MYBBP1A: variants seen among roughly 807,000 people sequenced by gnomAD.
MYBBP1A encodes the protein myb-binding protein 1A.
A neutral mutation model predicts 136.3 loss-of-function variants in MYBBP1A; 147 were observed. The observed-to-expected ratio is 1.08, with a 90% confidence interval of 0.94 to 1.24. MYBBP1A has a LOEUF of 1.24. MYBBP1A is among the 50% of genes most tolerant of loss of function. The pLI is 0.00. For missense variants in MYBBP1A, 2,060 were observed against 1,727.4 expected (o/e 1.19, Z -3.41); for synonymous variants, 947 against 735.8 (o/e 1.29, Z -4.65).
Position 4,542,918 on chromosome 17 carries a change from G to A in MYBBP1A, c.2887C>T (p.Pro963Ser). 6.2e-7 allele frequency: 1 copy of A among 1,613,924 alleles called. No homozygotes were observed. The highest frequency in any genetic ancestry group is 8.5e-7 in the Non-Finnish European group (1 of 1,179,988). The change falls in exon 20 of 26, where the codon CCG (proline) becomes TCG (serine). Residue 963 changes from proline (P) to serine (S), a missense_variant. Coordinates refer to ENST00000254718, the MANE Select transcript of MYBBP1A (RefSeq NM_014520.4). ...GTDPSHMPTG[P>S]QAASCLDLNL... ...CTGGGCCAGGCCCTGCTCACCTGCG[G>A]GCCCGTGGGCATGTGGCTGGGGTCA...
Position 4,543,175 on chromosome 17 carries a change from G to A in MYBBP1A, c.2640-10C>T. ...ACGGCACAGGTGGTGCCTGTGGGTG[G>A]TGAGGACGAGAGCTGGTCAGAACAT... is the stretch of plus-strand genomic sequence containing the variant. On this transcript the variant is annotated splice_polypyrimidine_tract_variant and intron_variant, in intron 19 of 25. Transcript: ENST00000254718. 1 of 1,596,760 alleles carries A rather than the reference G, an allele frequency of 6.3e-7. No individual in the cohort carries two copies. The highest frequency in any genetic ancestry group is 8.5e-7 in the Non-Finnish European group (1 of 1,172,758).
Position 4,548,789 on chromosome 17 carries a change from C to T in MYBBP1A, c.1431-140G>A, listed in dbSNP as rs1221140751. The T allele has an allele frequency of 8.3e-7, 1 of 1,204,664 alleles. No individual in the cohort carries two copies. The highest frequency in any genetic ancestry group is 1.1e-6 in the Non-Finnish European group (1 of 872,948). The allele number at this position is 1,204,664 out of a possible 1,614,324, so 74.6% of individuals were successfully genotyped here. A position where few individuals can be genotyped will look rare whatever the true frequency, so the allele number is the denominator to read the frequency against. The stretch of plus-strand genomic sequence containing the variant: ...CTGCCCTGGGTACAGTCCTCGGGGG[C>T]CTGACGGGCAAGGCTGGAGGGGGCT... On this transcript the variant is annotated intron_variant, in intron 10 of 25. Coordinates refer to ENST00000254718, the MANE Select transcript of MYBBP1A (RefSeq NM_014520.4). This position sits in a 1 kb window ranked among gnomAD's most constrained non-coding sequence, Gnocchi z 4.2.
Position 4,541,530 on chromosome 17 carries a change from GC to G in MYBBP1A, c.3229del (p.Ala1077ArgfsTer25). On this transcript the variant is annotated frameshift_variant, in exon 24 of 26. Transcript: ENST00000254718. LOFTEE classifies it high-confidence loss of function. Reference protein sequence around the residue: ...LRVLGEAQTKAQHQQALSSLE... With the variant: ...LRVLGEAQTKXQHQQALSSLE... ...GGAGGACAGTGCCTGCTGATGCTGCGCCTTGGTCTGCGCCTCCCCCAGCACG... is the reference window on the plus strand; with the variant it reads ...GGAGGACAGTGCCTGCTGATGCTGCGCTTGGTCTGCGCCTCCCCCAGCACG... 1 of 1,613,308 alleles carries G rather than the reference GC, an allele frequency of 6.2e-7. No individual in the cohort carries two copies. The highest frequency in any genetic ancestry group is 8.5e-7 in the Non-Finnish European group (1 of 1,180,028).
chr17:4,540,572 T>A lies in MYBBP1A; in HGVS notation c.3298-88A>T, dbSNP rs1056645034. 8.4e-6 allele frequency: 12 copies of A among 1,430,860 alleles called. 1 individual carries two copies. Among genetic ancestry groups the A allele is most frequent in the Middle Eastern group, 5.1e-4 (2 of 3,934 alleles). 88.6% of individuals were successfully genotyped at this position (1,430,860 alleles called of 1,614,324 possible). A position where few individuals can be genotyped will look rare whatever the true frequency, so the allele number is the denominator to read the frequency against. ...AGTCTTCCCACCTCTGCCCTGTTGC[T>A]GCCTCACCAGTGACCCCTGCCCCTT... On this transcript the variant is annotated intron_variant, in intron 24 of 25. Transcript: ENST00000254718.
chr17:4,542,060 G>A (rs1906486220), intron 22 of MYBBP1A, 169 bp from the exon 23 acceptor site: 1 of 612,218 alleles, frequency 1.6e-6, no homozygotes, highest in Admixed American at 2.9e-5. Flanking sequence ...GTGTGCAGGT[G>A]GGGACACCAA....
At chr17:4,543,416 G>A (rs1906652643) in intron 19 of MYBBP1A, 2 of 526,806 alleles carry the variant, frequency 3.8e-6, no homozygotes, top group Non-Finnish European at 6.7e-6. Flanking sequence ...GCTGCACCAA[G>A]GGCCAACTGC....
chr17:4,549,494 A>C, intron 9 of MYBBP1A, 52 bp from the exon 10 acceptor site: 1 of 1,540,984 alleles, frequency 6.5e-7, no homozygotes, highest in Non-Finnish European at 8.9e-7. Context: ...TGGCAGAAAC[A>C]GGCTGGGCCC....
At position 4,542,722 on chromosome 17, in the gene MYBBP1A, A is replaced by G. The variant is rs1248375632; in HGVS notation, c.2912T>C (p.Leu971Ser). The G allele has an allele frequency of 1.2e-6, 2 of 1,613,546 alleles. No individual in the cohort carries two copies. The highest frequency in any genetic ancestry group is 1.7e-6 in the Non-Finnish European group (2 of 1,179,912). The part of the protein sequence containing the change: ...TGPQAASCLD[L>S]NLVTRVYSTA... The stretch of plus-strand genomic sequence containing the variant: ...CGAGTACACCCGGGTCACCAGGTTC[A>G]AGTCCAAGCAGCTGGCAGCCTAGGC... The change falls in exon 21 of 26, where the codon TTG becomes TCG. Residue 971 changes from leucine (L) to serine (S), a missense_variant. Transcript: ENST00000254718.
rs3809849 is a variant in MYBBP1A, at chr17:4,555,303, G to C, written c.22C>G (p.Gln8Glu). The C allele has an allele frequency of 0.22, 356,046 of 1,603,622 alleles. 40,009 individuals carry two copies. Among genetic ancestry groups the C allele is most frequent in the South Asian group, 0.24 (21,127 of 89,660 alleles). The change falls in exon 1 of 26, where the codon CAG becomes GAG. Residue 8 changes from glutamine to glutamate, a missense_variant. Gln to Glu is a conservative substitution (Grantham distance 29). Transcript: ENST00000254718. ...GTCGCTTCTCCAGGCGACATCGGCT[G>C]GGCGGGATCCCGGCTCTCCATCTCC... is the stretch of plus-strand genomic sequence containing the variant. MESRDPA[Q>E]PMSPGEATQS... is the part of the protein sequence containing the mutation.
intron 19 of MYBBP1A, among the ~76,000 whole-genome samples, chr17:4,543,599 C>T (rs925832225): frequency 4.6e-5 from 7 of 152,162 alleles, no homozygotes; most frequent in Admixed American, 2.0e-4. Flanking sequence ...TGTCCACGCA[C>T]GCTGGCAGAA....
rs758949459 is a variant in MYBBP1A, at chr17:4,545,019, C to T, written c.2310+7G>A. ...CGGCCGCCCCCCCCTCCACCTCCCC[C>T]ACTCACCAGCGCCTTCCCAGCCTGC... On this transcript the variant is annotated splice_region_variant and intron_variant, in intron 17 of 25. Transcript: ENST00000254718. The T allele has an allele frequency of 2.0e-6, 3 of 1,522,826 alleles. No individual in the cohort carries two copies. The highest frequency in any genetic ancestry group is 4.0e-5 in the Admixed American group (2 of 49,598). 94.3% of individuals were successfully genotyped at this position (1,522,826 alleles called of 1,614,324 possible).
chr17:4,540,152 G>T (rs1204207319), intron 25 of MYBBP1A, among the ~76,000 whole-genome samples, 185 bp from the exon 26 acceptor site: 1 of 84,022 alleles, frequency 1.2e-5, no homozygotes, highest in Non-Finnish European at 2.2e-5. Flanking sequence ...CGAGGGTCCT[G>T]CGAGGCTCCT....
rs1378515597 is a variant in MYBBP1A, at chr17:4,542,604, C to G, written c.3018+12G>C. On this transcript the variant is annotated intron_variant, in intron 21 of 25. Coordinates refer to ENST00000254718, the MANE Select transcript of MYBBP1A (RefSeq NM_014520.4). ...GGGACCATGAGGAAGCAGGGCAGGC[C>G]CCAACACTCACCGGGTGCCGGGAGA... 1 of 1,613,764 alleles carries G rather than the reference C, an allele frequency of 6.2e-7. No individual in the cohort carries two copies. The highest frequency in any genetic ancestry group is 1.1e-5 in the South Asian group (1 of 91,036).
At position 4,545,063 on chromosome 17, in the gene MYBBP1A, T is replaced by C. The variant is rs139100499; in HGVS notation, c.2273A>G (p.Glu758Gly). ...RDGDVDQGFR[E>G]QLMTVLQAGK... is the part of the protein sequence containing the mutation. ...AGCCTGCAGCACGGTCATCAGCTGT[T>C]CCCGGAAGCCCTGATCCACGTCCCC... Residue 758 changes from glutamate (E) to glycine (G), a missense_variant, in exon 17 of 26, where the codon GAA becomes GGA. Physicochemically the swap from Glu to Gly is moderately conservative, Grantham distance 98. Coordinates refer to ENST00000254718, the MANE Select transcript of MYBBP1A (RefSeq NM_014520.4). The C allele has an allele frequency of 3.2e-5, 49 of 1,538,384 alleles. No individual in the cohort carries two copies. In the African/African-American group the frequency reaches 4.9e-4, roughly 15 times the overall value.
chr17:4,546,352 C>CAG lies in MYBBP1A; in HGVS notation c.1825-411_1825-410insCT, dbSNP rs890243263. ...CAGGCTGGTCTTGAACTCCTGACCT[C>CAG]GTGATCCACCCCCTTGCCCCCCTTG... On this transcript the variant is annotated intron_variant, in intron 13 of 25. Coordinates refer to ENST00000254718, the MANE Select transcript of MYBBP1A (RefSeq NM_014520.4). Among the ~76,000 whole-genome samples, 8 of 152,286 alleles carry CAG rather than the reference C, an allele frequency of 5.3e-5. No homozygotes were observed. The East Asian group carries it at 1.5e-3, about 29-fold the overall frequency.
intron 25 of MYBBP1A, 32 bp downstream of exon 25, chr17:4,540,316 C>A (rs748792752): frequency 6.4e-7 from 1 of 1,574,442 alleles, no homozygotes; most frequent in African/African-American, 1.3e-5. Flanking sequence ...CCAGCCCCTA[C>A]CCAAGGTGTG....
chr17:4,551,467 G>A (rs1202129187), intron 8 of MYBBP1A, among the ~76,000 whole-genome samples: 2 of 152,236 alleles, frequency 1.3e-5, no homozygotes, highest in Admixed American at 6.5e-5. Context: ...CCAGCACTCT[G>A]GGAGGCCAAG....
Position 4,540,369 on chromosome 17 carries a change from G to T in MYBBP1A, c.3413C>A (p.Ala1138Asp). The stretch of plus-strand genomic sequence containing the variant: ...CTACTGGACTCCCAGGGTTTTCATG[G>T]CCTGCCAGTAGAGGTCGTGCAGGCG... The part of the protein sequence containing the change: ...SSRLHDLYWQ[A>D]MKTLGVQRPK... The change falls in exon 25 of 26, where the codon GCC (alanine) becomes GAC (aspartate). Residue 1138 changes from alanine to aspartate, a missense_variant. Physicochemically the swap from Ala to Asp is moderately radical, Grantham distance 126. Coordinates refer to ENST00000254718, the MANE Select transcript of MYBBP1A (RefSeq NM_014520.4). The T allele has an allele frequency of 6.2e-7, 1 of 1,608,438 alleles. No individual in the cohort carries two copies. Among genetic ancestry groups the T allele is most frequent in the Non-Finnish European group, 8.5e-7 (1 of 1,179,606 alleles).
rs149986407 is a variant in MYBBP1A at position 4,554,469 on chromosome 17, G to T, written c.295-191C>A. Among the ~76,000 whole-genome samples the T allele has an allele frequency of 7.5e-3, 1,135 of 152,092 alleles. 16 individuals carry two copies. Among genetic ancestry groups the T allele is most frequent in the African/African-American group, 0.026 (1,068 of 41,464 alleles). ...TGCTCAGCCACTGGGTCTTCTCTCC[G>T]CACGTGGTCTGAGCTCCCCTCAGGC... On this transcript the variant is annotated intron_variant, in intron 2 of 25. Transcript: ENST00000254718.
Sources: gnomAD v4.1 joint callset for allele counts (sites outside exome capture counted in the v4.1 genomes callset) on GRCh38, gnomAD v4.1.1 for gene constraint, Gnocchi (gnomAD v3.1) non-coding constraint, MANE v1.5 for transcripts, NCBI Gene and HGNC (gene_info 2026-07-23, HGNC 2026-07-21) for gene names.